The following SLC6A12 variants were observed in gnomAD, a reference collection of about 807,000 sequenced individuals.
SLC6A12 encodes the protein sodium- and chloride-dependent betaine transporter.
SLC6A12 carries 50 observed loss-of-function variants against 73.3 expected under a neutral mutation model. That is an observed-to-expected ratio of 0.68 (90% confidence interval 0.54 to 0.86). The LOEUF (loss-of-function observed/expected upper bound fraction) is 0.86, where lower values mean the gene tolerates loss of function less well. SLC6A12 is among the 40% of genes least tolerant of loss of function. The probability of loss-of-function intolerance (pLI) is 0.00; values close to 1 mark genes in which losing one functional copy is unlikely to be tolerated. For synonymous variants in SLC6A12, 304 were observed against 309.2 expected (o/e 0.98, Z 0.18); for missense variants, 648 against 772.8 (o/e 0.84, Z 1.92).
chr12:191,073 A>G lies in SLC6A12; in HGVS notation c.1840T>C (p.Leu614=). The G allele has an allele frequency of 1.5e-6, 2 of 1,325,700 alleles. No homozygotes were observed. The highest frequency in any genetic ancestry group is 3.0e-5 in the African/African-American group (2 of 66,770). 82.1% of individuals were successfully genotyped at this position (1,325,700 alleles called of 1,614,324 possible). ...GCCTGGCCTCTGGCCACACCCTACA[A>G]ATGGGTCTCCTTCTCCCCGGCTATC... ...GLIAGEKETH[L] is the part of the protein sequence containing the mutation. The change falls in exon 16 of 16, where the codon TTG becomes CTG. Residue 614 remains leucine (L), a synonymous_variant. Coordinates refer to ENST00000684302, the MANE Select transcript of SLC6A12 (RefSeq NM_001122848.3).
intron 6 of SLC6A12, chr12:201,149 TG>T: frequency 4.7e-6 from 1 of 210,758 alleles, no homozygotes; most frequent in South Asian, 9.8e-5. Flanking sequence ...AAACATGTGA[TG>T]GGGTGCTGGA....
the SLC6A12 span, among the ~76,000 whole-genome samples, chr12:184,654 G>A: frequency 6.6e-6 from 1 of 152,182 alleles, no homozygotes; most frequent in African/African-American, 2.4e-5. Context: ...GGAGGCTGAG[G>A]CAGGAGAATG....
At chr12:205,387 G>A (rs548438567) in intron 3 of SLC6A12, among the ~76,000 whole-genome samples, 23 of 152,300 alleles carry the variant, frequency 1.5e-4, no homozygotes, top group African/African-American at 4.8e-4. Flanking sequence ...CCATGAGAAC[G>A]CTGAGTGCTT....
intron 4 of SLC6A12, 57 bp downstream of exon 4, chr12:204,507 G>C (rs926095951): frequency 6.5e-7 from 1 of 1,541,320 alleles, no homozygotes; most frequent in Non-Finnish European, 9.0e-7. Context: ...AGAGACCATG[G>C]GGGGATGCAG....
rs371624886 is a variant in SLC6A12, at chr12:201,734, A to G, written c.578+28T>C. 1,521 of 1,569,994 alleles carry G rather than the reference A, an allele frequency of 9.7e-4. 1 individual carries two copies. The highest frequency in any genetic ancestry group is 1.3e-3 in the Non-Finnish European group (1,455 of 1,139,882). On this transcript the variant is annotated intron_variant, in intron 6 of 15. Transcript: ENST00000684302. ...GCTCAGACATCCAAATTTCCTCTTC[A>G]TATGTGGCAAATGGGCCCAGCACCT...
chr12:191,937 G>A (rs988312774), intron 15 of SLC6A12, among the ~76,000 whole-genome samples: 1 of 152,176 alleles, frequency 6.6e-6, no homozygotes, highest in Non-Finnish European at 1.5e-5. Context: ...TTGGAGGTTG[G>A]GTTTTCTATT....
At chr12:197,590 A>G in intron 9 of SLC6A12, 89 bp from the exon 10 acceptor site, 1 of 1,377,720 alleles carries the variant, frequency 7.3e-7, no homozygotes, top group Non-Finnish European at 9.8e-7. Flanking sequence ...GTCAAAAGAC[A>G]GTGAGAGGGG....
chr12:185,235 C>T (rs867016560), downstream of SLC6A12, among the ~76,000 whole-genome samples: 7 of 152,248 alleles, frequency 4.6e-5, no homozygotes, highest in South Asian at 4.1e-4. Context: ...GCCGCTCCCC[C>T]GGCCCCACCC....
chr12:202,907 G>A, intron 4 of SLC6A12, 27 bp from the exon 5 acceptor site: 3 of 1,607,036 alleles, frequency 1.9e-6, no homozygotes, highest in Non-Finnish European at 2.6e-6. Flanking sequence ...GAGATGGGGA[G>A]GGACAAGAGA....
intron 3 of SLC6A12, chr12:204,905 A>G: frequency 1.8e-6 from 1 of 546,422 alleles, no homozygotes; most frequent in Non-Finnish European, 3.2e-6. Context: ...TGAACCCTAC[A>G]CAGAATGAGA....
At chr12:187,143 T>C (rs1939445468), downstream of SLC6A12, among the ~76,000 whole-genome samples, 1 of 152,228 alleles carries the variant, frequency 6.6e-6, no homozygotes, top group Non-Finnish European at 1.5e-5. Context: ...CATGCCACAC[T>C]GGCCAAATTG....
intron 4 of SLC6A12, among the ~76,000 whole-genome samples, 169 bp from the exon 5 acceptor site, chr12:203,049 T>TTTTTC (rs1276658405): frequency 3.4e-5 from 5 of 146,064 alleles, no homozygotes; most frequent in East Asian, 4.1e-4. Flanking sequence ...TTTTCTTTCT[T>TTTTTC]TTTTCTTTTC....
At chr12:199,574 C>A (rs1353414675) in intron 7 of SLC6A12, 1 of 152,494 alleles carries the variant, frequency 6.6e-6, no homozygotes, top group African/African-American at 2.4e-5. Context: ...GTGGTACTGT[C>A]TGTGCTGTTA....
intron 2 of SLC6A12, among the ~76,000 whole-genome samples, chr12:211,691 A>T (rs1232487310): frequency 6.6e-6 from 1 of 152,214 alleles, no homozygotes; most frequent in Non-Finnish European, 1.5e-5. Flanking sequence ...GCACCCTGAG[A>T]AATGACCCTG....
chr12:184,523 G>T, the SLC6A12 span, among the ~76,000 whole-genome samples: 1 of 152,138 alleles, frequency 6.6e-6, no homozygotes, highest in Non-Finnish European at 1.5e-5. Context: ...GGCCGAGGCG[G>T]GCGGATCACG....
At chr12:188,190 C>T (rs1296239005), downstream of SLC6A12, among the ~76,000 whole-genome samples, 20 of 152,290 alleles carry the variant, frequency 1.3e-4, no homozygotes, top group Admixed American at 1.1e-3. Flanking sequence ...CGGGGAGGCT[C>T]GGGCCGCACA....
chr12:198,153 C>T lies in SLC6A12; in HGVS notation c.847-150G>A, dbSNP rs1309702042. On this transcript the variant is annotated intron_variant, in intron 8 of 15. Transcript: ENST00000684302. This position sits in a 1 kb window ranked among gnomAD's most constrained non-coding sequence, Gnocchi z 4.0. ...CCTGCATCCCAACTCTCCGTGAGTG[C>T]GCCCTCCGGTCTCCACGGTGATCTC... 3 of 636,294 alleles carry T rather than the reference C, an allele frequency of 4.7e-6. No individual in the cohort carries two copies. The highest frequency in any genetic ancestry group is 1.8e-5 in the African/African-American group (1 of 54,660). The allele number at this position is 636,294 out of a possible 1,614,324, so 39.4% of individuals were successfully genotyped here.
At chr12:196,339 G>C in intron 11 of SLC6A12, 78 bp from the exon 12 acceptor site, 1 of 1,515,964 alleles carries the variant, frequency 6.6e-7, no homozygotes, top group East Asian at 2.3e-5. Context: ...CACTTCCCCT[G>C]GCTCATCCAC....
chr12:196,392 T>TG, intron 11 of SLC6A12, 131 bp from the exon 12 acceptor site: 4 of 1,180,302 alleles, frequency 3.4e-6, no homozygotes, highest in Non-Finnish European at 4.7e-6. Flanking sequence ...AGGGAAGAAA[T>TG]GGGGGTGCCC....
Sources: allele counts gnomAD v4.1 joint callset (sites outside exome capture counted in the v4.1 genomes callset), GRCh38; gene constraint gnomAD v4.1.1; non-coding constraint Gnocchi (gnomAD v3.1); transcripts MANE v1.5; gene names NCBI Gene and HGNC (gene_info 2026-07-23, HGNC 2026-07-21).